The following RSF1 variants were observed in gnomAD, a reference collection of about 807,000 sequenced individuals.
RSF1 encodes remodeling and spacing factor 1, also known as HBV pX-associated protein 8.
Under a neutral mutation model 145.2 loss-of-function variants are expected in RSF1, and 13 were observed. The ratio of observed to expected loss-of-function variants is 0.09; its 90% CI spans 0.06 to 0.14. The LOEUF (loss-of-function observed/expected upper bound fraction) is 0.14, where lower values mean the gene tolerates loss of function less well. RSF1 is among the 10% of genes least tolerant of loss of function. The pLI, the probability that RSF1 is intolerant of heterozygous loss-of-function variation, is 1.00. For missense variants in RSF1, 1,517 were observed against 1,718.2 expected (o/e 0.88, Z 2.07); for synonymous variants, 577 against 592.6 (o/e 0.97, Z 0.38).
the RSF1 span, among the ~76,000 whole-genome samples, chr11:77,826,254 C>T: frequency 2.0e-5 from 3 of 151,454 alleles, no homozygotes; most frequent in South Asian, 2.1e-4. Context: ...CCCAGCTACT[C>T]GGGAGGCTGA....
intron 5 of RSF1, among the ~76,000 whole-genome samples, chr11:77,714,342 A>G (rs1268117691): frequency 6.6e-6 from 1 of 152,172 alleles, no homozygotes; most frequent in African/African-American, 2.4e-5. Flanking sequence ...TTATGGGGGA[A>G]TTGGTAGAGA....
intron 7 of RSF1, among the ~76,000 whole-genome samples, chr11:77,694,379 G>C (rs1295975569): frequency 6.6e-6 from 1 of 152,198 alleles, no homozygotes; most frequent in Non-Finnish European, 1.5e-5. Flanking sequence ...AGAGACTGAG[G>C]TATAGAAAAG....
At chr11:77,813,472 G>A in intron 1 of RSF1, 1 of 1,075,486 alleles carries the variant, frequency 9.3e-7, no homozygotes, top group Non-Finnish European at 1.4e-6. Flanking sequence ...TTCACCACAA[G>A]GACTTTTTCT....
chr11:77,745,512 TTTTTTTAACATG>T (rs934258209), intron 3 of RSF1, among the ~76,000 whole-genome samples: 1 of 151,988 alleles, frequency 6.6e-6, no homozygotes, highest in African/African-American at 2.4e-5. Context: ...CTTTTGGATT[TTTTTTTAACATG>T]TTGGTTATTC....
intron 4 of RSF1, among the ~76,000 whole-genome samples, chr11:77,726,382 A>C (rs1170519919): frequency 6.6e-6 from 1 of 152,174 alleles, no homozygotes. Flanking sequence ...GGCTCACGGT[A>C]ACCTCAAATT....
chr11:77,734,308 T>TGG (rs34599168), intron 4 of RSF1, among the ~76,000 whole-genome samples: 1 of 144,064 alleles, frequency 6.9e-6, no homozygotes, highest in African/African-American at 2.6e-5. Flanking sequence ...TTACTTTTTT[T>TGG]GGGGGGGGGT....
chr11:77,670,375 C>T (rs1474363500), intron 15 of RSF1, among the ~76,000 whole-genome samples: 3 of 152,156 alleles, frequency 2.0e-5, no homozygotes, highest in East Asian at 1.9e-4. Context: ...ACATTTCTTT[C>T]AGGTCTTCAC....
At chr11:77,831,413 T>C in the RSF1 span, among the ~76,000 whole-genome samples, 3 of 152,228 alleles carry the variant, frequency 2.0e-5, no homozygotes, top group South Asian at 2.1e-4. Context: ...CAAGCATTGT[T>C]TCTAATGTCA....
In RSF1 at chr11:77,670,721, T is replaced by A. The variant is rs116001531; in HGVS notation, c.3751+1321A>T. 4.4e-3 allele frequency among the ~76,000 whole-genome samples: 669 copies of A among 152,248 alleles called. 4 individuals are homozygous for A. Among genetic ancestry groups the A allele is most frequent in the African/African-American group, 0.015 (636 of 41,546 alleles). ...AGATGTTCACTTCCCTTCTTTAGCA[T>A]CCCACATCCAAACATTTTTTTTCCC... is the stretch of plus-strand genomic sequence containing the variant. On this transcript the variant is annotated intron_variant, in intron 15 of 15. Transcript: ENST00000308488.
chr11:77,702,509 A>G lies in RSF1; in HGVS notation c.734-14T>C, dbSNP rs759582748. ...CTTTCTGTTCCTCTAAAAATCAGAAAAAGCTTAATTACATGAATAGAAACT... is the reference window on the plus strand; with the variant it reads ...CTTTCTGTTCCTCTAAAAATCAGAAGAAGCTTAATTACATGAATAGAAACT... On this transcript the variant is annotated splice_polypyrimidine_tract_variant and intron_variant, in intron 5 of 15. Transcript: ENST00000308488. The G allele has an allele frequency of 6.7e-7, 1 of 1,496,148 alleles. No individual in the cohort carries two copies. Among genetic ancestry groups the G allele is most frequent in the Non-Finnish European group, 8.9e-7 (1 of 1,124,954 alleles). 92.7% of individuals were successfully genotyped at this position (1,496,148 alleles called of 1,614,324 possible).
At chr11:77,857,122 A>G in the RSF1 span, among the ~76,000 whole-genome samples, 1 of 152,244 alleles carries the variant, frequency 6.6e-6, no homozygotes, top group African/African-American at 2.4e-5. Context: ...TCTTTAAGAT[A>G]AATCACCTTT....
chr11:77,732,485 G>T (rs565891349), intron 4 of RSF1, among the ~76,000 whole-genome samples: 29 of 152,148 alleles, frequency 1.9e-4, no homozygotes, highest in Admixed American at 4.6e-4. Context: ...AGATTTAGGA[G>T]GGGCCGGGGC....
intron 4 of RSF1, among the ~76,000 whole-genome samples, chr11:77,735,454 A>C (rs1961324670): frequency 6.6e-6 from 1 of 152,122 alleles, no homozygotes; most frequent in Non-Finnish European, 1.5e-5. Flanking sequence ...AAGAAGGCTG[A>C]CTTATTAGCT....
chr11:77,799,448 G>T (rs1032644959), intron 1 of RSF1, among the ~76,000 whole-genome samples: 1 of 148,560 alleles, frequency 6.7e-6, no homozygotes, highest in African/African-American at 2.5e-5. Context: ...AGGCTGCAGT[G>T]AGCCATAATC....
chr11:77,778,995 A>G (rs1239744275), intron 1 of RSF1, among the ~76,000 whole-genome samples: 1 of 152,092 alleles, frequency 6.6e-6, no homozygotes, highest in East Asian at 1.9e-4. Flanking sequence ...ACCAGGCTGG[A>G]GTGCAGTGGT....
Position 77,676,985 on chromosome 11 carries a change from T to C in RSF1, c.3148A>G (p.Lys1050Glu), listed in dbSNP as rs1483931751. 6.2e-7 allele frequency: 1 copy of C among 1,613,488 alleles called. No individual in the cohort carries two copies. The highest frequency in any genetic ancestry group is 8.5e-7 in the Non-Finnish European group (1 of 1,179,912). Reference sequence around the variant, plus strand: ...TGACCTGTGATGGTGGAGATATCTTTTCCTCGGCCAACTCCTGAATTTGGG... The same window carrying C: ...TGACCTGTGATGGTGGAGATATCTTCTCCTCGGCCAACTCCTGAATTTGGG... ...EADGGGVGRG[K>E]DISTITGHRG... is the part of the protein sequence containing the mutation. The change falls in exon 13 of 16, where the codon AAA becomes GAA. Residue 1050 changes from lysine to glutamate, a missense_variant. Coordinates refer to ENST00000308488, the MANE Select transcript of RSF1 (RefSeq NM_016578.4).
chr11:77,749,889 C>T (rs1948042903), intron 2 of RSF1, among the ~76,000 whole-genome samples: 2 of 152,088 alleles, frequency 1.3e-5, no homozygotes, highest in South Asian at 2.1e-4. Context: ...GCTGAGACTA[C>T]AGGCGCCCAC....
In RSF1 at chr11:77,759,512, C is replaced by T. The variant is rs192742924; in HGVS notation, c.279+5086G>A. Among the ~76,000 whole-genome samples, 209 of 152,190 alleles carry T rather than the reference C, an allele frequency of 1.4e-3. 1 individual carries two copies. Among genetic ancestry groups the T allele is most frequent in the African/African-American group, 3.3e-3 (137 of 41,536 alleles). On this transcript the variant is annotated intron_variant, in intron 2 of 15. Coordinates refer to ENST00000308488, the MANE Select transcript of RSF1 (RefSeq NM_016578.4). ...CATCCTGCCCAACATGGTGAAACCC[C>T]GTCTTTACTAAAAATACAAAAATTA...
the RSF1 span, among the ~76,000 whole-genome samples, chr11:77,835,763 T>C: frequency 6.6e-6 from 1 of 151,896 alleles, no homozygotes; most frequent in Non-Finnish European, 1.5e-5. Flanking sequence ...TACCAAAATA[T>C]ACAAAAAATT....
Sources: allele counts gnomAD v4.1 joint callset (sites outside exome capture counted in the v4.1 genomes callset), GRCh38; gene constraint gnomAD v4.1.1; transcripts MANE v1.5; gene names NCBI Gene and HGNC (gene_info 2026-07-23, HGNC 2026-07-21).